Variants in WDR1 observed in about 807,000 individuals in gnomAD.
WDR1 encodes WD repeat-containing protein 1.
A neutral mutation model predicts 71.9 loss-of-function variants in WDR1; 21 were observed. The observed-to-expected ratio is 0.29, with a 90% CI of 0.21 to 0.42. WDR1 has a LOEUF of 0.42. WDR1 is among the 10% of genes least tolerant of loss of function. WDR1 has a pLI of 1.00. For missense variants in WDR1, 696 were observed against 824.5 expected (o/e 0.84, Z 1.91); for synonymous variants, 424 against 347.4 (o/e 1.22, Z -2.45).
intron 7 of WDR1, 112 bp from the exon 8 acceptor site, chr4:10,088,052 G>T: frequency 9.1e-7 from 1 of 1,100,224 alleles, no homozygotes; most frequent in Non-Finnish European, 1.3e-6. Flanking sequence ...GGAGCCCAGA[G>T]AGAGGGTGGG....
intron 2 of WDR1, among the ~76,000 whole-genome samples, chr4:10,110,699 A>C (rs998439251): frequency 1.5e-4 from 23 of 152,300 alleles, no homozygotes; most frequent in Admixed American, 7.8e-4. Context: ...GTTCTTTTGA[A>C]GCACTTAACC....
intron 4 of WDR1, 117 bp from the exon 5 acceptor site, chr4:10,098,008 C>A (rs1712457114): frequency 9.2e-7 from 1 of 1,082,076 alleles, no homozygotes; most frequent in Middle Eastern, 2.7e-4. Flanking sequence ...TGACTGTCAG[C>A]AGGCAGCTCA....
intron 10 of WDR1, among the ~76,000 whole-genome samples, chr4:10,082,122 G>A (rs772506740): frequency 2.0e-5 from 3 of 152,222 alleles, no homozygotes; most frequent in Non-Finnish European, 2.9e-5. Context: ...CCACAGGGCA[G>A]TAGAAAGAGG....
At chr4:10,079,229 C>T (rs1396991943) in intron 11 of WDR1, among the ~76,000 whole-genome samples, 2 of 152,252 alleles carry the variant, frequency 1.3e-5, no homozygotes, top group East Asian at 3.9e-4. Context: ...TAACTGTGAC[C>T]ATTACTGTCA....
intron 5 of WDR1, among the ~76,000 whole-genome samples, chr4:10,090,761 C>T (rs946720208): frequency 2.6e-5 from 4 of 152,174 alleles, no homozygotes; most frequent in Admixed American, 1.3e-4. Context: ...CCGGAGAAAT[C>T]ACACATTCTG....
chr4:10,086,370 CCT>C (rs1168617227), intron 8 of WDR1, among the ~76,000 whole-genome samples: 1 of 152,216 alleles, frequency 6.6e-6, no homozygotes, highest in Non-Finnish European at 1.5e-5. Context: ...CAGCCTTCCC[CCT>C]CTCAGCAGTG....
intron 5 of WDR1, chr4:10,092,496 C>T (rs1712057831): frequency 6.5e-6 from 1 of 153,660 alleles, no homozygotes; most frequent in Non-Finnish European, 1.5e-5. Context: ...CTCCCACAGG[C>T]TCTGGCAGGG....
Position 10,088,390 on chromosome 4 carries a change from AC to A in WDR1, c.637-18del. ...GATGTATATCTTCCAAGAAATAAAA[AC>A]ATGTGGGTCATGTGTGTGTGAACAC... On this transcript the variant is annotated intron_variant, in intron 6 of 14. Transcript: ENST00000499869. 6.4e-7 allele frequency: 1 copy of A among 1,552,206 alleles called. No homozygotes were observed. Among genetic ancestry groups the A allele is most frequent in the Non-Finnish European group, 8.7e-7 (1 of 1,147,008 alleles).
intron 5 of WDR1, chr4:10,096,379 C>T (rs1203321607): frequency 1.3e-5 from 2 of 152,346 alleles, no homozygotes; most frequent in East Asian, 3.8e-4. Flanking sequence ...AAGCCACAGC[C>T]TTCAATACAG....
At chr4:10,093,406 G>A (rs539692711) in intron 5 of WDR1, among the ~76,000 whole-genome samples, 6 of 152,220 alleles carry the variant, frequency 3.9e-5, no homozygotes, top group Non-Finnish European at 8.8e-5. Context: ...CGTGACCTGC[G>A]AGGCTGGCTC....
chr4:10,103,751 C>T (rs1258760316), intron 3 of WDR1, 145 bp downstream of exon 3: 3 of 696,816 alleles, frequency 4.3e-6, no homozygotes, highest in Non-Finnish European at 7.3e-6. Flanking sequence ...TACTGGCTCC[C>T]CTCAACTCAC....
At chr4:10,094,973 C>G (rs1712236454) in intron 5 of WDR1, 1 of 152,350 alleles carries the variant, frequency 6.6e-6, no homozygotes, top group South Asian at 2.1e-4. Context: ...CAGTCATACG[C>G]CAGTCCCTCT....
intron 2 of WDR1, among the ~76,000 whole-genome samples, chr4:10,112,937 C>A (rs1713475704): frequency 6.6e-6 from 1 of 152,206 alleles, no homozygotes; most frequent in Non-Finnish European, 1.5e-5. Context: ...TTGTAGGCAG[C>A]CGTAGCCTGC....
At chr4:10,086,897 C>T (rs1031917350) in intron 8 of WDR1, among the ~76,000 whole-genome samples, 2 of 152,150 alleles carry the variant, frequency 1.3e-5, no homozygotes, top group Admixed American at 6.5e-5. Context: ...CAGGCGAGGG[C>T]GCTGCTGTGA....
At chr4:10,113,659 G>C (rs879291206) in intron 2 of WDR1, among the ~76,000 whole-genome samples, 1 of 152,248 alleles carries the variant, frequency 6.6e-6, no homozygotes, top group Non-Finnish European at 1.5e-5. Flanking sequence ...GAGTCTGGGG[G>C]CAATAAGTCA....
At chr4:10,088,029 G>T in intron 7 of WDR1, 89 bp from the exon 8 acceptor site, 2 of 1,275,246 alleles carry the variant, frequency 1.6e-6, no homozygotes, top group Non-Finnish European at 2.2e-6. Flanking sequence ...GCGACTGTTT[G>T]AGTAGGACAG....
intron 10 of WDR1, among the ~76,000 whole-genome samples, chr4:10,081,711 GCTC>G (rs1765022962): frequency 4.6e-5 from 7 of 151,232 alleles, no homozygotes; most frequent in African/African-American, 1.7e-4. Context: ...CGTTGATTAT[GCTC>G]CTATTTATCT....
intron 2 of WDR1, among the ~76,000 whole-genome samples, chr4:10,104,412 CCAAT>C (rs1332892043): frequency 6.6e-6 from 1 of 152,174 alleles, no homozygotes; most frequent in Non-Finnish European, 1.5e-5. Context: ...CTCCTGGCTG[CCAAT>C]CAATGTTGGA....
chr4:10,084,988 G>T (rs1319858935), intron 8 of WDR1, among the ~76,000 whole-genome samples: 2 of 152,356 alleles, frequency 1.3e-5, no homozygotes, highest in East Asian at 1.9e-4. Flanking sequence ...CTGCCCAGGA[G>T]TGCTGGCCCT....
Sources: gnomAD v4.1 joint callset for allele counts (sites outside exome capture counted in the v4.1 genomes callset) on GRCh38, gnomAD v4.1.1 for gene constraint, MANE v1.5 for transcripts, NCBI Gene and HGNC (gene_info 2026-07-23, HGNC 2026-07-21) for gene names.